KAT6B: variants seen among roughly 807,000 people sequenced by gnomAD.
KAT6B encodes lysine acetyltransferase 6B.
Under a neutral mutation model 187.5 loss-of-function variants are expected in KAT6B, and 10 were observed. The ratio of observed to expected loss-of-function variants is 0.05; its 90% CI spans 0.03 to 0.09. The LOEUF (loss-of-function observed/expected upper bound fraction) is 0.09, where lower values mean the gene tolerates loss of function less well. KAT6B is among the 10% of genes least tolerant of loss of function. The pLI is 1.00. For synonymous variants in KAT6B, 861 were observed against 926.8 expected (o/e 0.93, Z 1.29); for missense variants, 1,952 against 2,558.9 (o/e 0.76, Z 5.12).
At chr10:75,017,219 G>T (rs1425748433) in intron 13 of KAT6B, among the ~76,000 whole-genome samples, 1 of 151,062 alleles carries the variant, frequency 6.6e-6, no homozygotes, top group Non-Finnish European at 1.5e-5. Context: ...AATTTTTTTG[G>T]TAAGTTAAGA....
chr10:74,941,995 C>G (rs558266385), intron 3 of KAT6B, among the ~76,000 whole-genome samples: 1 of 152,144 alleles, frequency 6.6e-6, no homozygotes, highest in South Asian at 2.1e-4. Context: ...ACTAAAAATA[C>G]AAAAATTAGC....
intron 3 of KAT6B, among the ~76,000 whole-genome samples, chr10:74,871,007 A>G (rs1843903253): frequency 6.6e-6 from 1 of 150,590 alleles, no homozygotes; most frequent in African/African-American, 2.4e-5. Flanking sequence ...CCTCCCAAGT[A>G]GCTGGGATTA....
intron 4 of KAT6B, among the ~76,000 whole-genome samples, chr10:74,967,603 G>A (rs1841569061): frequency 6.6e-6 from 1 of 152,166 alleles, no homozygotes; most frequent in Admixed American, 6.5e-5. Flanking sequence ...ATTCTCTTGA[G>A]CTAAATAAAG....
intron 13 of KAT6B, among the ~76,000 whole-genome samples, chr10:75,020,098 A>C (rs955632746): frequency 6.6e-6 from 1 of 152,346 alleles, no homozygotes; most frequent in Non-Finnish European, 1.5e-5. Context: ...ATAGACTCTG[A>C]GTCAACAGAG....
In KAT6B at chr10:75,028,776, C is replaced by CTGT. The variant is rs1564630766; in HGVS notation, c.3955_3957dup (p.Leu1319dup). The CTGT allele has an allele frequency of 6.2e-7, 1 of 1,614,168 alleles. No homozygotes were observed. On this transcript the variant is annotated inframe_insertion, in exon 18 of 18. Transcript: ENST00000287239. ...GGAGGTCAAGGAAACTGGGGAAGCCCTGTTGCCTCAAGAGGAAAACAGAAG... is the reference window on the plus strand; with the variant it reads ...GGAGGTCAAGGAAACTGGGGAAGCCCTGTTGTTGCCTCAAGAGGAAAACAGAAG...
chr10:75,021,186 T>C lies in KAT6B; in HGVS notation c.2922T>C (p.Cys974=), dbSNP rs756617619. The change falls in exon 15 of 18, where the codon TGT becomes TGC. Residue 974 remains cysteine (C), a synonymous_variant. Transcript: ENST00000287239. The part of the protein sequence containing the change: ...ILSHMEKLKT[C]SRANELDPDS... ...GCCACATGGAAAAGCTGAAAACCTGTTCCAGAGCCAATGAACTTGATCCAG... is the reference window on the plus strand; with the variant it reads ...GCCACATGGAAAAGCTGAAAACCTGCTCCAGAGCCAATGAACTTGATCCAG... 2.0e-5 allele frequency: 32 copies of C among 1,614,036 alleles called. 1 individual carries two copies. The highest frequency in any genetic ancestry group is 4.0e-5 in the African/African-American group (3 of 74,934).
chr10:74,826,395 G>T (rs896144940), upstream of KAT6B, among the ~76,000 whole-genome samples: 2 of 152,004 alleles, frequency 1.3e-5, no homozygotes, highest in African/African-American at 2.4e-5. Context: ...CGGAGGGGGG[G>T]ATGATGGGTC....
chr10:74,985,330 A>G (rs773036176), intron 12 of KAT6B, 89 bp downstream of exon 12: 30 of 1,221,580 alleles, frequency 2.5e-5, no homozygotes, highest in Admixed American at 3.6e-5. Flanking sequence ...TTTCATTACT[A>G]TAATTTGAAT....
intron 2 of KAT6B, among the ~76,000 whole-genome samples, chr10:74,840,960 CTAAA>C (rs1564514448): frequency 6.6e-6 from 1 of 152,020 alleles, no homozygotes; most frequent in South Asian, 2.1e-4. Context: ...TATAGTCTGT[CTAAA>C]TAAATAACCA....
chr10:75,016,756 A>G (rs1008394416), intron 13 of KAT6B, among the ~76,000 whole-genome samples: 1 of 151,750 alleles, frequency 6.6e-6, no homozygotes, highest in Non-Finnish European at 1.5e-5. Flanking sequence ...AAGTATCCCG[A>G]GTTAAGGAGA....
At chr10:75,028,006 C>T (rs1846004404) in intron 17 of KAT6B, among the ~76,000 whole-genome samples, 1 of 152,152 alleles carries the variant, frequency 6.6e-6, no homozygotes, top group Non-Finnish European at 1.5e-5. Flanking sequence ...ATCATGTCTT[C>T]CAAGATCATT....
intron 3 of KAT6B, among the ~76,000 whole-genome samples, chr10:74,877,816 G>A (rs1675847783): frequency 6.6e-6 from 1 of 151,828 alleles, no homozygotes; most frequent in African/African-American, 2.4e-5. Flanking sequence ...GAATTTAGGA[G>A]TAATTTATGT....
At chr10:74,855,770 T>C (rs1306787546) in intron 3 of KAT6B, among the ~76,000 whole-genome samples, 1 of 152,190 alleles carries the variant, frequency 6.6e-6, no homozygotes, top group Non-Finnish European at 1.5e-5. Flanking sequence ...AAAAGAGTAG[T>C]ACAGTAAACA....
At chr10:74,836,835 A>C (rs1841345358) in intron 1 of KAT6B, among the ~76,000 whole-genome samples, 1 of 152,354 alleles carries the variant, frequency 6.6e-6, no homozygotes, top group South Asian at 2.1e-4. Flanking sequence ...GCTTTGAAAA[A>C]ATCCAGGTTT....
At chr10:74,835,389 C>G (rs2131997221) in intron 1 of KAT6B, among the ~76,000 whole-genome samples, 1 of 151,936 alleles carries the variant, frequency 6.6e-6, no homozygotes, top group East Asian at 1.9e-4. Flanking sequence ...CAGAGGAACA[C>G]TTCCTTTAAA....
chr10:74,875,300 C>A (rs1378593093), intron 3 of KAT6B, among the ~76,000 whole-genome samples: 2 of 152,070 alleles, frequency 1.3e-5, no homozygotes, highest in Admixed American at 1.3e-4. Flanking sequence ...TAATAGCAAT[C>A]CTGGCTGTCA....
intron 3 of KAT6B, among the ~76,000 whole-genome samples, chr10:74,870,462 G>A (rs1404920741): frequency 6.6e-6 from 1 of 152,186 alleles, no homozygotes; most frequent in African/African-American, 2.4e-5. Flanking sequence ...CAACAAGGAT[G>A]TCTTTATTTA....
At chr10:74,868,661 G>A (rs1589510629) in intron 3 of KAT6B, among the ~76,000 whole-genome samples, 1 of 152,134 alleles carries the variant, frequency 6.6e-6, no homozygotes, top group Admixed American at 6.5e-5. Context: ...AGAGCCTTTC[G>A]ATTCAGAGCT....
At chr10:75,003,294 C>T (rs554872255) in intron 13 of KAT6B, 1 of 152,192 alleles carries the variant, frequency 6.6e-6, no homozygotes, top group Non-Finnish European at 1.5e-5. Flanking sequence ...TTCTTGATTG[C>T]ATTTATTTTT....
Sources: allele counts gnomAD v4.1 joint callset (sites outside exome capture counted in the v4.1 genomes callset), GRCh38; gene constraint gnomAD v4.1.1; transcripts MANE v1.5; gene names NCBI Gene and HGNC (gene_info 2026-07-23, HGNC 2026-07-21).